Variants in CELSR1 observed in about 807,000 individuals in gnomAD.
CELSR1 encodes the protein cadherin EGF LAG seven-pass G-type receptor 1, also known as adhesion G protein-coupled receptor C1.
Under a neutral mutation model 249.1 loss-of-function variants are expected in CELSR1, and 110 were observed. The ratio of observed to expected loss-of-function variants is 0.44; its 90% CI spans 0.38 to 0.52. The LOEUF is 0.52. Among genes scored for constraint, CELSR1 ranks in the 20% least tolerant of loss-of-function variants. The probability of loss-of-function intolerance (pLI) is 0.00; values close to 1 mark genes in which losing one functional copy is unlikely to be tolerated. For missense variants in CELSR1, 4,109 were observed against 4,296.4 expected (o/e 0.96, Z 1.22); for synonymous variants, 2,113 against 1,900.0 (o/e 1.11, Z -2.92).
Position 46,391,084 on chromosome 22 carries a change from A to G in CELSR1, c.6250+102T>C. On this transcript the variant is annotated intron_variant, in intron 16 of 34. Coordinates refer to ENST00000674500, the MANE Select transcript of CELSR1 (RefSeq NM_001378328.1). The surrounding 1 kb of genome is among the most constrained non-coding windows in gnomAD (Gnocchi z 4.3). ...TCTCCCCAGCACTTTGCCTGCGGATATTTTTTCAACACGAAACATTCCATG... is the reference window on the plus strand; with the variant it reads ...TCTCCCCAGCACTTTGCCTGCGGATGTTTTTTCAACACGAAACATTCCATG... The G allele has an allele frequency of 2.1e-6, 2 of 961,968 alleles. No homozygotes were observed. Among genetic ancestry groups the G allele is most frequent in the Admixed American group, 2.3e-5 (1 of 43,260 alleles). 59.6% of individuals were successfully genotyped at this position (961,968 alleles called of 1,614,324 possible). A position where few individuals can be genotyped will look rare whatever the true frequency, so the allele number is the denominator to read the frequency against.
chr22:46,405,870 C>T (rs1018318710), intron 9 of CELSR1, among the ~76,000 whole-genome samples: 6 of 152,136 alleles, frequency 3.9e-5, no homozygotes, highest in African/African-American at 1.4e-4. Flanking sequence ...AGGAGAAATC[C>T]CCCAGAACCT....
chr22:46,492,445 C>A (rs780085991), intron 1 of CELSR1, among the ~76,000 whole-genome samples: 3 of 152,038 alleles, frequency 2.0e-5, no homozygotes, highest in Non-Finnish European at 4.4e-5. Flanking sequence ...CCTCTTTTTT[C>A]TTTTCCATAA....
At chr22:46,515,986 G>GGAA (rs2147779544) in intron 1 of CELSR1, among the ~76,000 whole-genome samples, 1 of 152,316 alleles carries the variant, frequency 6.6e-6, no homozygotes, top group Admixed American at 6.5e-5. Context: ...TGGAGAAACA[G>GGAA]GAACACTTTT....
rs2079629828 is a variant in CELSR1 at position 46,434,118 on chromosome 22, A to C, written c.4523-637T>G. 6.6e-6 allele frequency among the ~76,000 whole-genome samples: 1 copy of C among 152,238 alleles called. No homozygotes were observed. The highest frequency in any genetic ancestry group is 6.5e-5 in the Admixed American group (1 of 15,284). ...TGCATCAACGTAGACAAAATCATCA[A>C]AACCAATTCCACTTTAGGTCACTTA... is the stretch of plus-strand genomic sequence containing the variant. On this transcript the variant is annotated intron_variant, in intron 4 of 34. Transcript: ENST00000674500. The surrounding 1 kb of genome is among the most constrained non-coding windows in gnomAD (Gnocchi z 4.9).
In CELSR1 at chr22:46,413,050, G is replaced by A. The variant is rs993187525; in HGVS notation, c.4612-1291C>T. On this transcript the variant is annotated intron_variant, in intron 5 of 34. Transcript: ENST00000674500. This position sits in a 1 kb window ranked among gnomAD's most constrained non-coding sequence, Gnocchi z 4.7. Reference sequence around the variant, plus strand: ...AAGGATGGGTTCGATGCCTCCTCCTGATAGTTCTGGGGTCAGTTTGAGTTT... The same window carrying A: ...AAGGATGGGTTCGATGCCTCCTCCTAATAGTTCTGGGGTCAGTTTGAGTTT... Among the ~76,000 whole-genome samples, 5 of 152,180 alleles carry A rather than the reference G, an allele frequency of 3.3e-5. No homozygotes were observed. The highest frequency in any genetic ancestry group is 1.2e-4 in the African/African-American group (5 of 41,434).
intron 2 of CELSR1, among the ~76,000 whole-genome samples, chr22:46,457,355 A>G (rs1276188216): frequency 2.6e-5 from 4 of 151,914 alleles, no homozygotes; most frequent in East Asian, 1.9e-4. Flanking sequence ...GGGGCGGGGA[A>G]AAAGATTATT....
At position 46,462,497 on chromosome 22, in the gene CELSR1, C is replaced by T. The variant is rs974992910; in HGVS notation, c.4183+1210G>A. Among the ~76,000 whole-genome samples the T allele has an allele frequency of 9.9e-5, 15 of 152,230 alleles. No individual in the cohort carries two copies. In the East Asian group the frequency reaches 1.7e-3, roughly 18 times the overall value. ...ATACCTCAAACCCTTGTTATAAGCT[C>T]GATAAACTTGTGCTATGTGCTGGTA... On this transcript the variant is annotated intron_variant, in intron 2 of 34. Coordinates refer to ENST00000674500, the MANE Select transcript of CELSR1 (RefSeq NM_001378328.1).
Position 46,407,008 on chromosome 22 carries a change from AG to A in CELSR1, c.5226+1987del, listed in dbSNP as rs551897587. On this transcript the variant is annotated intron_variant, in intron 9 of 34. Coordinates refer to ENST00000674500, the MANE Select transcript of CELSR1 (RefSeq NM_001378328.1). This position sits in a 1 kb window ranked among gnomAD's most constrained non-coding sequence, Gnocchi z 4.8. ...GGACTTCCTGACCGCAGGAGCGGGG[AG>A]GGGGGGTCATCCTGGGAGAACAGGG... is the stretch of plus-strand genomic sequence containing the variant. 1.3e-5 allele frequency among the ~76,000 whole-genome samples: 2 copies of A among 152,216 alleles called. No homozygotes were observed. Among genetic ancestry groups the A allele is most frequent in the South Asian group, 2.1e-4 (1 of 4,820 alleles).
rs2079354238 is a variant in CELSR1, at chr22:46,412,853, T to C, written c.4612-1094A>G. Among the ~76,000 whole-genome samples, 1 of 152,168 alleles carries C rather than the reference T, an allele frequency of 6.6e-6. No individual in the cohort carries two copies. The highest frequency in any genetic ancestry group is 2.4e-5 in the African/African-American group (1 of 41,432). ...CAGAATGTCTTTCATCTGCACAACC[T>C]GGATAACAAGACCTACATCCCACAG... On this transcript the variant is annotated intron_variant, in intron 5 of 34. Transcript: ENST00000674500. This position sits in a 1 kb window ranked among gnomAD's most constrained non-coding sequence, Gnocchi z 4.5.
chr22:46,529,659 TG>T (rs1602246104), intron 1 of CELSR1, among the ~76,000 whole-genome samples: 2 of 151,880 alleles, frequency 1.3e-5, no homozygotes, highest in Non-Finnish European at 2.9e-5. Flanking sequence ...AAAAATTAGC[TG>T]GGTGTGGTGG....
chr22:46,370,047 G>A (rs749104891), intron 25 of CELSR1: 14 of 601,766 alleles, frequency 2.3e-5, no homozygotes, highest in Non-Finnish European at 2.8e-5. Context: ...GGCAGGGGGC[G>A]TATCTGGGCC....
intron 1 of CELSR1, among the ~76,000 whole-genome samples, chr22:46,474,572 T>G (rs184629631): frequency 9.9e-5 from 15 of 152,284 alleles, no homozygotes; most frequent in African/African-American, 2.9e-4. Flanking sequence ...TATCATTTAT[T>G]TGTGGTAAGA....
chr22:46,442,992 G>A (rs2079771029), intron 2 of CELSR1, among the ~76,000 whole-genome samples: 1 of 152,174 alleles, frequency 6.6e-6, no homozygotes, highest in Non-Finnish European at 1.5e-5. Context: ...CAGCTACTCA[G>A]GAGGCTGAGG....
At chr22:46,502,350 G>A (rs2080474157) in intron 1 of CELSR1, among the ~76,000 whole-genome samples, 1 of 128,290 alleles carries the variant, frequency 7.8e-6, no homozygotes, top group Admixed American at 7.7e-5. Context: ...GGGGAGAGGA[G>A]GTGGGGAAAG....
intron 18 of CELSR1, 93 bp from the exon 19 acceptor site, chr22:46,386,678 T>A (rs975018968): frequency 8.7e-6 from 9 of 1,029,412 alleles, no homozygotes; most frequent in Non-Finnish European, 1.2e-5. Flanking sequence ...GCTTGCCTAG[T>A]GGGCTCATTC....
intron 1 of CELSR1, among the ~76,000 whole-genome samples, chr22:46,483,385 C>CTTTTTTTTTTTTTTTTTTTTTTT (rs10647586): frequency 1.2e-5 from 1 of 81,212 alleles, no homozygotes; most frequent in Non-Finnish European, 2.2e-5. Flanking sequence ...CTATTCCTGA[C>CTTTTTTTTTTTTTTTTTTTTTTT]TTTTTTTTTT....
chr22:46,399,858 G>C lies in CELSR1; in HGVS notation c.5271C>G (p.Ser1757=), dbSNP rs778128515. The stretch of plus-strand genomic sequence containing the variant: ...CGGACAGCATCACGGACTCCACATC[G>C]GAGGGGCCGTGGGACACCTCAAACT... ...YLQFEVSHGP[S]DVESVMLSGL... The change falls in exon 10 of 35, where the codon TCC becomes TCG. Residue 1757 remains serine (S), a synonymous_variant. Coordinates refer to ENST00000674500, the MANE Select transcript of CELSR1 (RefSeq NM_001378328.1). This position sits in a 1 kb window ranked among gnomAD's most constrained non-coding sequence, Gnocchi z 5.0. 4 of 1,614,142 alleles carry C rather than the reference G, an allele frequency of 2.5e-6. No individual in the cohort carries two copies. The highest frequency in any genetic ancestry group is 1.3e-5 in the African/African-American group (1 of 75,048).
Position 46,397,751 on chromosome 22 carries a change from G to T in CELSR1, c.5624C>A (p.Pro1875His). Residue 1875 changes from proline (P) to histidine (H), a missense_variant, in exon 12 of 35, where the codon CCC becomes CAC. Physicochemically the swap from Pro to His is moderately conservative, Grantham distance 77 (BLOSUM62 -2). This residue lies in a region of CELSR1 where 1,805 missense variants were observed against 1,831.6 expected (regional missense o/e 0.99). Coordinates refer to ENST00000674500, the MANE Select transcript of CELSR1 (RefSeq NM_001378328.1). Reference sequence around the variant, plus strand: ...GGGGGGACAGGGGCTCGAGGTACAGGGGTCGTCCACATCACAGCCGTCCTT... The same window carrying T: ...GGGGGGACAGGGGCTCGAGGTACAGTGGTCGTCCACATCACAGCCGTCCTT... ...RVKDGCDVDD[P>H]CTSSPCPPNS... 6.3e-7 allele frequency: 1 copy of T among 1,599,274 alleles called. No individual in the cohort carries two copies. The highest frequency in any genetic ancestry group is 2.3e-5 in the East Asian group (1 of 43,812).
Position 46,389,280 on chromosome 22 carries a change from A to AC in CELSR1, c.6555+9dup, listed in dbSNP as rs1157248185. On this transcript the variant is annotated intron_variant, in intron 18 of 34. Coordinates refer to ENST00000674500, the MANE Select transcript of CELSR1 (RefSeq NM_001378328.1). Reference sequence around the variant, plus strand: ...GTGTCCCCGAGCCAGGGTGGCGGCCACCCGCCTACCTCGTGAAAGTCGGCG... The same window carrying AC: ...GTGTCCCCGAGCCAGGGTGGCGGCCACCCCGCCTACCTCGTGAAAGTCGGCG... The AC allele has an allele frequency of 1.2e-6, 2 of 1,602,034 alleles. No individual in the cohort carries two copies. The highest frequency in any genetic ancestry group is 1.7e-6 in the Non-Finnish European group (2 of 1,179,548).
Sources: allele counts gnomAD v4.1 joint callset (sites outside exome capture counted in the v4.1 genomes callset), GRCh38; gene constraint gnomAD v4.1.1; regional missense constraint gnomAD v4.1.1; non-coding constraint Gnocchi (gnomAD v3.1); transcripts MANE v1.5; gene names NCBI Gene and HGNC (gene_info 2026-07-23, HGNC 2026-07-21).